The following SLC25A13 variants were observed in gnomAD, a reference collection of about 807,000 sequenced individuals.
SLC25A13 encodes the protein solute carrier family 25 member 13.
Under a neutral mutation model 85.5 loss-of-function variants are expected in SLC25A13, and 70 were observed. That is an observed-to-expected ratio of 0.82 (90% CI 0.68 to 1.00). The LOEUF (loss-of-function observed/expected upper bound fraction) is 1.00, where lower values mean the gene tolerates loss of function less well. SLC25A13 is among the 50% of genes least tolerant of loss of function. SLC25A13 has a pLI of 0.00. For synonymous variants in SLC25A13, 259 were observed against 288.7 expected, an observed-to-expected ratio of 0.90 and a Z score of 1.04; for missense variants, 765 against 819.8, an observed-to-expected ratio of 0.93 and a Z score of 0.82.
intron 3 of SLC25A13, among the ~76,000 whole-genome samples, chr7:96,237,711 C>T (rs1796796477): frequency 6.6e-6 from 1 of 152,146 alleles, no homozygotes. Context: ...TAGAGAAACA[C>T]AGCAGAGGCA....
chr7:96,121,704 G>T lies in SLC25A13; in HGVS notation c.1792C>A (p.Leu598Met), dbSNP rs1314171694. 6 of 1,614,164 alleles carry T rather than the reference G, an allele frequency of 3.7e-6. No individual in the cohort carries two copies. The highest frequency in any genetic ancestry group is 1.3e-5 in the African/African-American group (1 of 75,038). ...RSSPQFGVTL[L>M]TYELLQRWFY... ...CATCGCTGTAGCAATTCGTAAGTCA[G>T]CAAAGTTACACCAAACTGGGGTGAG... Residue 598 changes from leucine to methionine, a missense_variant, in exon 17 of 18, where the codon CTG becomes ATG. Physicochemically the swap from Leu to Met is conservative, Grantham distance 15. Transcript: ENST00000265631.
At chr7:96,160,829 C>T (rs1793479493) in intron 13 of SLC25A13, among the ~76,000 whole-genome samples, 1 of 152,186 alleles carries the variant, frequency 6.6e-6, no homozygotes, top group African/African-American at 2.4e-5. Flanking sequence ...GAGAAAGAGC[C>T]TCTCATTGGA....
intron 1 of SLC25A13, among the ~76,000 whole-genome samples, chr7:96,310,428 T>A (rs1799908000): frequency 6.6e-6 from 1 of 152,230 alleles, no homozygotes. Flanking sequence ...TAGGTTCATG[T>A]TGTATACTTC....
intron 2 of SLC25A13, among the ~76,000 whole-genome samples, chr7:96,293,994 G>A (rs1386109346): frequency 3.9e-5 from 6 of 151,926 alleles, no homozygotes; most frequent in African/African-American, 7.2e-5. Flanking sequence ...TGTTTATTGC[G>A]GCACTATTCA....
intron 4 of SLC25A13, among the ~76,000 whole-genome samples, chr7:96,218,268 A>T (rs1009093409): frequency 6.6e-6 from 1 of 152,176 alleles, no homozygotes; most frequent in Non-Finnish European, 1.5e-5. Flanking sequence ...TCTTGAGCTC[A>T]TATGCTAAAA....
intron 11 of SLC25A13, among the ~76,000 whole-genome samples, chr7:96,179,261 T>C (rs911646885): frequency 2.6e-5 from 4 of 152,236 alleles, no homozygotes; most frequent in African/African-American, 9.6e-5. Context: ...ATCTAAACTA[T>C]TTCCCTCCTA....
Position 96,183,482 on chromosome 7 carries a change from T to A in SLC25A13, c.1177+795A>T, listed in dbSNP as rs78888651. ...GGGAAAACTCTGCCAGCTTTGCCGCTGCCAAATTATAAAGCAGCTGAGTTT... is the reference window on the plus strand; with the variant it reads ...GGGAAAACTCTGCCAGCTTTGCCGCAGCCAAATTATAAAGCAGCTGAGTTT... On this transcript the variant is annotated intron_variant, in intron 11 of 17. Transcript: ENST00000265631. Among the ~76,000 whole-genome samples the A allele has an allele frequency of 9.2e-3, 1,405 of 152,282 alleles. 24 individuals are homozygous for A. Among genetic ancestry groups the A allele is most frequent in the African/African-American group, 0.032 (1,329 of 41,556 alleles).
At chr7:96,207,954 A>G (rs1173541115) in intron 5 of SLC25A13, among the ~76,000 whole-genome samples, 1 of 151,972 alleles carries the variant, frequency 6.6e-6, no homozygotes, top group Non-Finnish European at 1.5e-5. Context: ...AGCTTTAAAT[A>G]GCCCTCAAAT....
intron 5 of SLC25A13, among the ~76,000 whole-genome samples, chr7:96,201,441 G>A (rs1392438809): frequency 6.6e-6 from 1 of 151,710 alleles, no homozygotes; most frequent in African/African-American, 2.4e-5. Flanking sequence ...GAACCTGGGA[G>A]GTGGAGGTTG....
intron 1 of SLC25A13, among the ~76,000 whole-genome samples, chr7:96,307,189 C>A (rs1262671691): frequency 2.0e-5 from 3 of 151,510 alleles, no homozygotes; most frequent in Non-Finnish European, 4.4e-5. Flanking sequence ...AATGCATGAA[C>A]CTTATATACA....
intron 15 of SLC25A13, among the ~76,000 whole-genome samples, chr7:96,126,323 A>G (rs10278888): frequency 0.39 from 59,890 of 151,858 alleles, 12,034 homozygotes; most frequent in East Asian, 0.61. Flanking sequence ...CCATCACTTT[A>G]TTTTTTCCTG....
chr7:96,294,376 AT>A (rs1799257501), intron 2 of SLC25A13, among the ~76,000 whole-genome samples: 1 of 152,176 alleles, frequency 6.6e-6, no homozygotes, highest in African/African-American at 2.4e-5. Flanking sequence ...TCATGTATAC[AT>A]ATGTAACAAA....
intron 4 of SLC25A13, among the ~76,000 whole-genome samples, chr7:96,228,167 A>G (rs559893828): frequency 1.3e-5 from 2 of 152,268 alleles, no homozygotes; most frequent in Middle Eastern, 6.8e-3. Flanking sequence ...CCTGGCCTAG[A>G]TTTTTTAAAC....
intron 3 of SLC25A13, among the ~76,000 whole-genome samples, chr7:96,239,012 T>C (rs1796855518): frequency 7.1e-6 from 1 of 140,394 alleles, no homozygotes; most frequent in Non-Finnish European, 1.5e-5. Flanking sequence ...ATATATAATA[T>C]ATATTATATA....
At chr7:96,220,046 A>C (rs1796049842) in intron 4 of SLC25A13, among the ~76,000 whole-genome samples, 1 of 152,220 alleles carries the variant, frequency 6.6e-6, no homozygotes, top group African/African-American at 2.4e-5. Context: ...GTTTAGAGGC[A>C]TATAGCAGAC....
intron 3 of SLC25A13, among the ~76,000 whole-genome samples, chr7:96,275,987 C>T (rs1296096734): frequency 6.6e-6 from 1 of 152,138 alleles, no homozygotes; most frequent in African/African-American, 2.4e-5. Context: ...GGTTATATCT[C>T]AAACTGCTGC....
At chr7:96,291,072 A>T (rs1649729805) in intron 2 of SLC25A13, among the ~76,000 whole-genome samples, 2 of 152,178 alleles carry the variant, frequency 1.3e-5, no homozygotes, top group Admixed American at 6.6e-5. Flanking sequence ...AAACTATAAC[A>T]AACTGTCTCT....
rs116974768 is a variant in SLC25A13 at position 96,189,083 on chromosome 7, G to C, written c.933+211C>G. Reference sequence around the variant, plus strand: ...GCAGTTAGGAAATCACTCCACCTTAGCAAGAAATGAGCAAATGCCAAATAC... The same window carrying C: ...GCAGTTAGGAAATCACTCCACCTTACCAAGAAATGAGCAAATGCCAAATAC... On this transcript the variant is annotated intron_variant, in intron 9 of 17. Transcript: ENST00000265631. Among the ~76,000 whole-genome samples the C allele has an allele frequency of 0.021, 3,255 of 152,298 alleles. 57 individuals carry two copies. Among genetic ancestry groups the C allele is most frequent in the Non-Finnish European group, 0.034 (2,346 of 68,022 alleles).
In SLC25A13 at chr7:96,206,079, T is replaced by C. The variant is rs58172351; in HGVS notation, c.468+2759A>G. On this transcript the variant is annotated intron_variant, in intron 5 of 17. Coordinates refer to ENST00000265631, the MANE Select transcript of SLC25A13 (RefSeq NM_014251.3). ...TATCTTCTAGGGACCCTCAGTGGAA[T>C]AGAGGAGTGCTGTCTCTACATGCCA... 9.3e-3 allele frequency among the ~76,000 whole-genome samples: 1,414 copies of C among 152,280 alleles called. 24 individuals are homozygous for C. The highest frequency in any genetic ancestry group is 0.033 in the African/African-American group (1,353 of 41,548).
Sources: gnomAD v4.1 joint callset for allele counts (sites outside exome capture counted in the v4.1 genomes callset) on GRCh38, gnomAD v4.1.1 for gene constraint, MANE v1.5 for transcripts, NCBI Gene and HGNC (gene_info 2026-07-23, HGNC 2026-07-21) for gene names.